The following MSR1 variants were observed in gnomAD, a reference collection of about 807,000 sequenced individuals.
MSR1 encodes the protein macrophage scavenger receptor 1.
A neutral mutation model predicts 47.2 loss-of-function variants in MSR1; 53 were observed. The observed-to-expected ratio is 1.12, with a 90% CI of 0.90 to 1.41. The LOEUF is 1.41. MSR1 is among the 40% of genes most tolerant of loss of function. MSR1 has a pLI of 0.00. For missense variants in MSR1, 786 were observed against 546.9 expected (o/e 1.44, Z -4.36); for synonymous variants, 239 against 185.6 (o/e 1.29, Z -2.34).
chr8:16,164,977 C>A (rs2054914947), intron 4 of MSR1, among the ~76,000 whole-genome samples: 1 of 151,950 alleles, frequency 6.6e-6, no homozygotes, highest in Admixed American at 6.6e-5. Flanking sequence ...ACTTTAGAGA[C>A]TGATATTTTC....
rs748128448 is a variant in MSR1, at chr8:16,143,605, G to T, written c.986C>A (p.Ser329Tyr). ...LPGYAGRPGNSGPKGQKGEKG... is the reference protein window; with the variant it reads ...LPGYAGRPGNYGPKGQKGEKG... ...TTCCCCTTTCTGGCCTTTTGGTCCA[G>T]AATTTCCTTGAGAAAAGAAGAAAAA... is the stretch of plus-strand genomic sequence containing the variant. Residue 329 changes from serine to tyrosine, a missense_variant, in exon 8 of 10, where the codon TCT (serine) becomes TAT (tyrosine). Physicochemically the swap from Ser to Tyr is moderately radical, Grantham distance 144. Coordinates refer to ENST00000262101, the MANE Select transcript of MSR1 (RefSeq NM_138715.3). 1.2e-6 allele frequency: 2 copies of T among 1,611,960 alleles called. No homozygotes were observed. The highest frequency in any genetic ancestry group is 1.7e-6 in the Non-Finnish European group (2 of 1,178,690).
rs138944712 is a variant in MSR1, at chr8:16,125,835, T to C, written c.1034-5229A>G. On this transcript the variant is annotated intron_variant, in intron 8 of 9. Coordinates refer to ENST00000262101, the MANE Select transcript of MSR1 (RefSeq NM_138715.3). ...AGATTGAAGTGCTGTGGTGCAGTCATAGCTCACTGCAGCCTCAAACTCCTG... is the reference window on the plus strand; with the variant it reads ...AGATTGAAGTGCTGTGGTGCAGTCACAGCTCACTGCAGCCTCAAACTCCTG... 3.2e-3 allele frequency among the ~76,000 whole-genome samples: 486 copies of C among 152,216 alleles called. 7 individuals carry two copies. The highest frequency in any genetic ancestry group is 0.01 in the African/African-American group (429 of 41,556).
intron 9 of MSR1, among the ~76,000 whole-genome samples, chr8:16,118,953 A>G (rs892023182): frequency 2.0e-5 from 3 of 152,152 alleles, no homozygotes; most frequent in Non-Finnish European, 4.4e-5. Flanking sequence ...ACACTTTTCA[A>G]CCTGGGAAAA....
At chr8:16,189,586 A>C (rs1424060598) in intron 1 of MSR1, among the ~76,000 whole-genome samples, 1 of 97,836 alleles carries the variant, frequency 1.0e-5, no homozygotes, top group Non-Finnish European at 1.7e-5. Context: ...TATATTTTAT[A>C]TATATTTTAT....
intron 3 of MSR1, among the ~76,000 whole-genome samples, chr8:16,170,347 C>CA (rs11300796): frequency 1.3e-3 from 182 of 144,140 alleles, no homozygotes; most frequent in African/African-American, 2.5e-3. Context: ...GATTCCATCT[C>CA]AAAAAAAAAA....
At chr8:16,145,094 A>G (rs372249844) in intron 7 of MSR1, among the ~76,000 whole-genome samples, 137 of 152,240 alleles carry the variant, frequency 9.0e-4, no homozygotes, top group African/African-American at 3.2e-3. Context: ...TTGAAATTGT[A>G]TTTTGAAGAT....
At chr8:16,124,439 T>C (rs1800082163) in intron 8 of MSR1, among the ~76,000 whole-genome samples, 1 of 152,176 alleles carries the variant, frequency 6.6e-6, no homozygotes, top group Non-Finnish European at 1.5e-5. Context: ...GTGGAATAAA[T>C]AAGGTCATGC....
Position 16,177,971 on chromosome 8 carries a change from G to C in MSR1, c.18C>G (p.His6Gln), listed in dbSNP as rs780324650. ...CAGTGTCCTCCTGTTGATTGTGAAA[G>C]TGATCCCACTGCTCCATACTTCTAT... MEQWDHFHNQQEDTDS... is the reference protein window; with the variant it reads MEQWDQFHNQQEDTDS... Residue 6 changes from histidine (H) to glutamine (Q), a missense_variant, in exon 2 of 10, where the codon CAC becomes CAG. By Grantham distance (24) the His-to-Gln change is conservative. Transcript: ENST00000262101. 6.2e-7 allele frequency: 1 copy of C among 1,613,706 alleles called. No homozygotes were observed. Among genetic ancestry groups the C allele is most frequent in the African/African-American group, 1.3e-5 (1 of 75,020 alleles).
At chr8:16,192,548 T>C (rs1032180055) in intron 1 of MSR1, 50 bp downstream of exon 1, 1 of 151,944 alleles carries the variant, frequency 6.6e-6, no homozygotes, top group Non-Finnish European at 1.5e-5. Flanking sequence ...TAACAATCAA[T>C]AGAAACAATT....
intron 8 of MSR1, among the ~76,000 whole-genome samples, chr8:16,121,381 T>G (rs1348644598): frequency 6.6e-6 from 1 of 152,090 alleles, no homozygotes; most frequent in Non-Finnish European, 1.5e-5. Context: ...TGTAAAATCT[T>G]GATCATGCTA....
At chr8:16,192,375 T>C (rs1231125258) in intron 1 of MSR1, among the ~76,000 whole-genome samples, 3 of 152,142 alleles carry the variant, frequency 2.0e-5, no homozygotes, top group Non-Finnish European at 4.4e-5. Flanking sequence ...ATATATGTTT[T>C]TCACTCATGG....
At chr8:16,124,817 G>A (rs1257965497) in intron 8 of MSR1, among the ~76,000 whole-genome samples, 3 of 152,164 alleles carry the variant, frequency 2.0e-5, no homozygotes, top group African/African-American at 7.2e-5. Context: ...GTTATGGCAT[G>A]AATGAGTAAA....
At chr8:16,112,820 T>C (rs956088667) in intron 9 of MSR1, among the ~76,000 whole-genome samples, 1 of 152,032 alleles carries the variant, frequency 6.6e-6, no homozygotes, top group Non-Finnish European at 1.5e-5. Flanking sequence ...TAATCTCTAA[T>C]CCTCTTCCTC....
rs1000233775 is a variant in MSR1 at position 16,155,268 on chromosome 8, G to A, written c.818-124C>T. Reference sequence around the variant, plus strand: ...TATTTGTTGTGCAATAATATAGAATGTATAATACTGAACTTCATGAATGGA... The same window carrying A: ...TATTTGTTGTGCAATAATATAGAATATATAATACTGAACTTCATGAATGGA... On this transcript the variant is annotated intron_variant, in intron 5 of 9. Coordinates refer to ENST00000262101, the MANE Select transcript of MSR1 (RefSeq NM_138715.3). The A allele has an allele frequency of 2.6e-5, 18 of 703,108 alleles. No individual in the cohort carries two copies. In the African/African-American group the frequency reaches 2.7e-4, roughly 10 times the overall value. 43.6% of individuals were successfully genotyped at this position (703,108 alleles called of 1,614,324 possible).
chr8:16,148,523 C>G (rs1800760463), intron 7 of MSR1, among the ~76,000 whole-genome samples: 1 of 151,926 alleles, frequency 6.6e-6, no homozygotes, highest in Non-Finnish European at 1.5e-5. Flanking sequence ...GTGGCATGAT[C>G]TTGGTTCATT....
chr8:16,154,707 C>G (rs1434519327), intron 6 of MSR1, among the ~76,000 whole-genome samples: 1 of 151,868 alleles, frequency 6.6e-6, no homozygotes, highest in Non-Finnish European at 1.5e-5. Flanking sequence ...GTTGTACTCC[C>G]CTTCACATAT....
chr8:16,119,891 T>A lies in MSR1; in HGVS notation c.1222+527A>T, dbSNP rs867322577. Among the ~76,000 whole-genome samples the A allele has an allele frequency of 5.4e-3, 578 of 107,464 alleles. 9 individuals are homozygous for A. The highest frequency in any genetic ancestry group is 0.018 in the African/African-American group (553 of 30,642). The allele number at this position is 107,464 out of a possible 152,430, so 70.5% of individuals were successfully genotyped here. On this transcript the variant is annotated intron_variant, in intron 9 of 9. Coordinates refer to ENST00000262101, the MANE Select transcript of MSR1 (RefSeq NM_138715.3). Reference sequence around the variant, plus strand: ...CTGGCTTTTTTTTTTTTTTTTTTTTTAATTGGTAGAGATAGGATCTTACTA... The same window carrying A: ...CTGGCTTTTTTTTTTTTTTTTTTTTAAATTGGTAGAGATAGGATCTTACTA...
intron 6 of MSR1, among the ~76,000 whole-genome samples, chr8:16,152,434 A>G (rs1800886287): frequency 6.6e-6 from 1 of 152,122 alleles, no homozygotes; most frequent in Non-Finnish European, 1.5e-5. Context: ...CTCTCTTCCA[A>G]TATCTATGGG....
chr8:16,167,729 C>T (rs34239091), intron 4 of MSR1, among the ~76,000 whole-genome samples: 1,981 of 152,210 alleles, frequency 0.013, 36 homozygotes, highest in African/African-American at 0.045. Context: ...TTCTTCTTTC[C>T]CCTCAACTTA....
Sources: allele counts gnomAD v4.1 joint callset (sites outside exome capture counted in the v4.1 genomes callset), GRCh38; gene constraint gnomAD v4.1.1; transcripts MANE v1.5; gene names NCBI Gene and HGNC (gene_info 2026-07-23, HGNC 2026-07-21).